EDRF1: variants seen among roughly 807,000 people sequenced by gnomAD.
EDRF1 encodes erythroid differentiation regulatory factor 1.
In EDRF1, 69 loss-of-function variants were observed where a neutral mutation model predicts 148.7. That is an observed-to-expected ratio of 0.46 (90% CI 0.38 to 0.57). The LOEUF (loss-of-function observed/expected upper bound fraction) is 0.57, where lower values mean the gene tolerates loss of function less well. Among genes scored for constraint, EDRF1 ranks in the 20% least tolerant of loss-of-function variants. EDRF1 has a pLI of 0.00. For synonymous variants in EDRF1, 515 were observed against 532.8 expected (o/e 0.97, Z 0.46); for missense variants, 1,118 against 1,478.7 (o/e 0.76, Z 4.00).
At chr10:125,762,096 T>C (rs1850218658) in intron 24 of EDRF1, among the ~76,000 whole-genome samples, 1 of 151,782 alleles carries the variant, frequency 6.6e-6, no homozygotes, top group African/African-American at 2.4e-5. Flanking sequence ...AGGGGAGAAA[T>C]GTCTAAAGGC....
chr10:125,743,773 G>C (rs1353080732), intron 18 of EDRF1, among the ~76,000 whole-genome samples: 1 of 152,074 alleles, frequency 6.6e-6, no homozygotes, highest in Non-Finnish European at 1.5e-5. Context: ...TGTGAGGAAA[G>C]GAGGGCACTC....
At chr10:125,754,142 G>C (rs543256828) in intron 24 of EDRF1, among the ~76,000 whole-genome samples, 38 of 151,842 alleles carry the variant, frequency 2.5e-4, no homozygotes, top group Middle Eastern at 3.4e-3. Context: ...CTTGAACCCA[G>C]GAGGTGGAGG....
At chr10:125,762,931 A>G (rs549302270) in intron 24 of EDRF1, among the ~76,000 whole-genome samples, 62 of 152,092 alleles carry the variant, frequency 4.1e-4, no homozygotes, top group Admixed American at 1.1e-3. Flanking sequence ...CTTGTTTACT[A>G]TGGTTTCCCC....
At position 125,736,481 on chromosome 10, in the gene EDRF1, C is replaced by T. The variant is rs530220826; in HGVS notation, c.1758+577C>T. ...AGGCAGTATATACCTTTCAACATAC[C>T]GTCTCCCTATGATTAGATCCAGGCC... is the stretch of plus-strand genomic sequence containing the variant. On this transcript the variant is annotated intron_variant, in intron 13 of 24. Coordinates refer to ENST00000356792, the MANE Select transcript of EDRF1 (RefSeq NM_001202438.2). Among the ~76,000 whole-genome samples, 25 of 152,170 alleles carry T rather than the reference C, an allele frequency of 1.6e-4. No individual in the cohort carries two copies. The South Asian group carries it at 4.4e-3, about 27-fold the overall frequency.
chr10:125,734,226 TCTAATAGGAG>T, intron 12 of EDRF1, 43 bp downstream of exon 12: 1 of 1,422,994 alleles, frequency 7.0e-7, no homozygotes. Flanking sequence ...ATCCTAGCAT[TCTAATAGGAG>T]ATTGTTACCT....
At chr10:125,753,622 T>TC (rs1335487684) in intron 23 of EDRF1, 72 bp from the exon 24 acceptor site, 7 of 1,539,484 alleles carry the variant, frequency 4.5e-6, no homozygotes, top group Non-Finnish European at 6.3e-6. Flanking sequence ...AAACTGCAGT[T>TC]CCATCACTTG....
In EDRF1 at chr10:125,741,030, C is replaced by T. The variant is rs1327283155; in HGVS notation, c.2200C>T (p.Leu734Phe). ...TTATTGCTGCCTCTGCACCAATATG[C>T]TTTCCGAAGTGCTGTTGTTTCTCTC... is the stretch of plus-strand genomic sequence containing the variant. The part of the protein sequence containing the change: ...DTYCCLCTNM[L>F]SEVLLFLSQY... Residue 734 changes from leucine (L) to phenylalanine (F), a missense_variant, in exon 17 of 25, where the codon CTT becomes TTT. By Grantham distance (22) the Leu-to-Phe change is conservative. Around this residue, in one of 3 missense-constraint regions of EDRF1, gnomAD observed 954 missense variants for 1,241.4 expected, o/e 0.77. Coordinates refer to ENST00000356792, the MANE Select transcript of EDRF1 (RefSeq NM_001202438.2). The T allele has an allele frequency of 6.2e-7, 1 of 1,614,138 alleles. No homozygotes were observed. The highest frequency in any genetic ancestry group is 1.1e-5 in the South Asian group (1 of 91,084).
chr10:125,728,542 A>G (rs1848364477), intron 6 of EDRF1, among the ~76,000 whole-genome samples: 1 of 152,014 alleles, frequency 6.6e-6, no homozygotes, highest in African/African-American at 2.4e-5. Flanking sequence ...TTTTTTTAAG[A>G]GACAGACTCT....
intron 24 of EDRF1, among the ~76,000 whole-genome samples, chr10:125,755,868 AT>A (rs138912715): frequency 3.4e-5 from 5 of 148,800 alleles, no homozygotes; most frequent in African/African-American, 7.4e-5. Context: ...GAAGTTTTCG[AT>A]TTTTTTTTTC....
chr10:125,744,963 G>A (rs777949990), intron 18 of EDRF1: 1 of 152,460 alleles, frequency 6.6e-6, no homozygotes, highest in Admixed American at 6.5e-5. Flanking sequence ...TGGCAGCATC[G>A]TTACTCTTGT....
Position 125,749,393 on chromosome 10 carries a change from T to C in EDRF1, c.3124-19T>C. On this transcript the variant is annotated intron_variant, in intron 21 of 24. Coordinates refer to ENST00000356792, the MANE Select transcript of EDRF1 (RefSeq NM_001202438.2). ...TAGTTACCGTGAAGGATTTGTTGCT[T>C]GTTTTGGTTTGGTTCTAGGTTGGTG... 1 of 1,614,174 alleles carries C rather than the reference T, an allele frequency of 6.2e-7. No homozygotes were observed. Among genetic ancestry groups the C allele is most frequent in the Non-Finnish European group, 8.5e-7 (1 of 1,180,020 alleles).
At position 125,733,527 on chromosome 10, in the gene EDRF1, G is replaced by A. The variant is rs1463855031; in HGVS notation, c.1252G>A (p.Gly418Arg). 6.2e-7 allele frequency: 1 copy of A among 1,600,120 alleles called. No homozygotes were observed. The highest frequency in any genetic ancestry group is 2.2e-5 in the East Asian group (1 of 44,782). The change falls in exon 10 of 25, where the codon GGA becomes AGA. Residue 418 changes from glycine (G) to arginine (R), a missense_variant. Physicochemically the swap from Gly to Arg is moderately radical, Grantham distance 125 (BLOSUM62 -2). Transcript: ENST00000356792. ...TTTGAAATCTAATTGTACCAAAGAA[G>A]GACATACCTATTGGCTCTTTAAAGG... ...SFLKSNCTKEGHTYWLFKASG... is the reference protein window; with the variant it reads ...SFLKSNCTKERHTYWLFKASG...
At chr10:125,758,812 A>G (rs1850050276) in intron 24 of EDRF1, among the ~76,000 whole-genome samples, 1 of 151,404 alleles carries the variant, frequency 6.6e-6, no homozygotes, top group Non-Finnish European at 1.5e-5. Flanking sequence ...GTTAGCAAGG[A>G]CTCCATAGTT....
Position 125,719,742 on chromosome 10 carries a change from T to A in EDRF1, c.-66T>A. 7.5e-7 allele frequency: 1 copy of A among 1,335,666 alleles called. No individual in the cohort carries two copies. Among genetic ancestry groups the A allele is most frequent in the Non-Finnish European group, 1.0e-6 (1 of 960,812 alleles). The allele number at this position is 1,335,666 out of a possible 1,614,324, so 82.7% of individuals were successfully genotyped here. Reference sequence around the variant, plus strand: ...GAGCGTCTCTGGCGCTTACCCTGCTTTGGGCCTGCGTTGCTGCTGCTGCTC... The same window carrying A: ...GAGCGTCTCTGGCGCTTACCCTGCTATGGGCCTGCGTTGCTGCTGCTGCTC... On this transcript the variant is annotated 5_prime_UTR_variant, in exon 1 of 25. It adds an upstream start codon to the 5' untranslated region. Coordinates refer to ENST00000356792, the MANE Select transcript of EDRF1 (RefSeq NM_001202438.2).
chr10:125,742,205 G>C (rs1216849582), intron 17 of EDRF1: 2 of 1,287,580 alleles, frequency 1.6e-6, no homozygotes, highest in Admixed American at 2.3e-5. Flanking sequence ...ATGTCACTCT[G>C]TTTGGAATTG....
intron 17 of EDRF1, chr10:125,742,413 A>T: frequency 9.0e-7 from 1 of 1,112,378 alleles, no homozygotes; most frequent in Non-Finnish European, 1.1e-6. Context: ...ATATTACTTG[A>T]TGTTTGCCTC....
chr10:125,756,811 T>C (rs1849920827), intron 24 of EDRF1: 4 of 436,180 alleles, frequency 9.2e-6, no homozygotes, highest in Non-Finnish European at 1.4e-5. Context: ...TATTTACTTA[T>C]ATTTATGTTT....
intron 24 of EDRF1, among the ~76,000 whole-genome samples, chr10:125,758,804 T>C (rs1850049367): frequency 6.6e-6 from 1 of 152,164 alleles, no homozygotes; most frequent in African/African-American, 2.4e-5. Flanking sequence ...AGCAGGGAGT[T>C]AGCAAGGACT....
In EDRF1 at chr10:125,749,503, C is replaced by T. The variant is rs199648172; in HGVS notation, c.3215C>T (p.Ala1072Val). 1 of 1,614,166 alleles carries T rather than the reference C, an allele frequency of 6.2e-7. No homozygotes were observed. The highest frequency in any genetic ancestry group is 8.5e-7 in the Non-Finnish European group (1 of 1,180,028). Residue 1072 changes from alanine (A) to valine (V), a missense_variant, in exon 22 of 25, where the codon GCT (alanine) becomes GTT (valine). By Grantham distance (64) the Ala-to-Val change is moderately conservative. This residue lies in a region of EDRF1 where 954 missense variants were observed against 1,241.4 expected (regional missense o/e 0.77). Transcript: ENST00000356792. The stretch of plus-strand genomic sequence containing the variant: ...AAGCTGTTTCAGCTGCTGAAAGATG[C>T]TCCCTGCGAACTGCTTAGAGTACAG... Reference protein sequence around the residue: ...AAKLFQLLKDAPCELLRVQLE... With the variant: ...AAKLFQLLKDVPCELLRVQLE...
Sources: allele counts gnomAD v4.1 joint callset (sites outside exome capture counted in the v4.1 genomes callset), GRCh38; gene constraint gnomAD v4.1.1; regional missense constraint gnomAD v4.1.1; transcripts MANE v1.5; gene names NCBI Gene and HGNC (gene_info 2026-07-23, HGNC 2026-07-21).